The following FHIT variants were observed in gnomAD, a reference collection of about 807,000 sequenced individuals.
FHIT encodes fragile histidine triad diadenosine triphosphatase.
Under a neutral mutation model 17.9 loss-of-function variants are expected in FHIT, and 19 were observed. The observed-to-expected ratio is 1.06, with a 90% CI of 0.74 to 1.56. The LOEUF (loss-of-function observed/expected upper bound fraction) is 1.56, where lower values mean the gene tolerates loss of function less well. Ranked by LOEUF, FHIT falls within the 40% of genes most tolerant of loss-of-function variation. The pLI, the probability that FHIT is intolerant of heterozygous loss-of-function variation, is 0.00. For synonymous variants in FHIT, 81 were observed against 69.7 expected, an observed-to-expected ratio of 1.16 and a Z score of -0.81; for missense variants, 248 against 189.2, an observed-to-expected ratio of 1.31 and a Z score of -1.82.
intron 2 of FHIT, among the ~76,000 whole-genome samples, chr3:61,125,550 A>G (rs1448132676): frequency 6.6e-6 from 1 of 152,344 alleles, no homozygotes; most frequent in South Asian, 2.1e-4. Flanking sequence ...TAAATGTCCC[A>G]GAAACTTTGC....
chr3:61,102,268 C>T (rs1038151617), intron 2 of FHIT, among the ~76,000 whole-genome samples: 5 of 152,032 alleles, frequency 3.3e-5, no homozygotes, highest in South Asian at 2.1e-4. Context: ...GCATGAAGGG[C>T]TGTTGAATTT....
chr3:60,362,332 T>C (rs57805822), intron 5 of FHIT, among the ~76,000 whole-genome samples: 1,723 of 152,344 alleles, frequency 0.011, 14 homozygotes, highest in Middle Eastern at 0.048. Context: ...CTGGTTGATA[T>C]TGAGATACAA....
chr3:60,432,729 C>A lies in FHIT; in HGVS notation c.103+104131G>T, dbSNP rs79388005. The stretch of plus-strand genomic sequence containing the variant: ...GCTCACATGGATCTACTGGGGGAAG[C>A]ATTGGTGACAGGAGTAAAATTAACA... On this transcript the variant is annotated intron_variant, in intron 5 of 9. Coordinates refer to ENST00000492590, the MANE Select transcript of FHIT (RefSeq NM_002012.4). Among the ~76,000 whole-genome samples the A allele has an allele frequency of 1.2e-3, 182 of 152,194 alleles. 1 individual carries two copies. The East Asian group carries it at 0.034, about 29-fold the overall frequency.
At chr3:59,997,508 G>A (rs1458634918) in intron 7 of FHIT, among the ~76,000 whole-genome samples, 2 of 152,146 alleles carry the variant, frequency 1.3e-5, no homozygotes, top group Admixed American at 1.3e-4. Context: ...AATTTGAAAT[G>A]CATTTATATG....
At chr3:60,052,297 C>T (rs552810674) in intron 5 of FHIT, among the ~76,000 whole-genome samples, 1 of 152,188 alleles carries the variant, frequency 6.6e-6, no homozygotes, top group Admixed American at 6.6e-5. Flanking sequence ...GCAGCTTTGC[C>T]TATCACGAGT....
intron 4 of FHIT, 99 bp downstream of exon 4, chr3:60,821,820 T>C (rs1701939385): frequency 6.6e-6 from 1 of 152,172 alleles, no homozygotes; most frequent in Admixed American, 6.5e-5. Flanking sequence ...AGTTCTATTT[T>C]ACAAGTACAT....
At chr3:60,028,580 C>T (rs573987221) in intron 5 of FHIT, among the ~76,000 whole-genome samples, 1 of 152,012 alleles carries the variant, frequency 6.6e-6, no homozygotes, top group African/African-American at 2.4e-5. Context: ...AATGGATAAT[C>T]GAAAGAGGGA....
Position 59,764,932 on chromosome 3 carries a change from G to A in FHIT, c.349-12611C>T, listed in dbSNP as rs193204132. Among the ~76,000 whole-genome samples, 950 of 145,404 alleles carry A rather than the reference G, an allele frequency of 6.5e-3. 5 individuals carry two copies. Among genetic ancestry groups the A allele is most frequent in the Non-Finnish European group, 0.01 (692 of 66,340 alleles). ...CACACACACACACAGCTTTGGCACA[G>A]TGAAAAATTAAAATGCAATGCCAGG... On this transcript the variant is annotated intron_variant, in intron 8 of 9. Coordinates refer to ENST00000492590, the MANE Select transcript of FHIT (RefSeq NM_002012.4).
chr3:60,338,189 A>G (rs1710336070), intron 5 of FHIT, among the ~76,000 whole-genome samples: 1 of 152,124 alleles, frequency 6.6e-6, no homozygotes, highest in African/African-American at 2.4e-5. Flanking sequence ...AATTGCTCAA[A>G]TTCCACCACA....
chr3:60,278,764 C>A (rs1707292191), intron 5 of FHIT, among the ~76,000 whole-genome samples: 1 of 151,730 alleles, frequency 6.6e-6, no homozygotes, highest in Non-Finnish European at 1.5e-5. Flanking sequence ...GTATTATTTC[C>A]AGCTTTCAAC....
At chr3:60,687,290 G>A (rs185662622) in intron 4 of FHIT, among the ~76,000 whole-genome samples, 77 of 152,110 alleles carry the variant, frequency 5.1e-4, no homozygotes, top group African/African-American at 1.8e-3. Flanking sequence ...CTTTAATAAT[G>A]AAAGTTCTCA....
At chr3:61,061,855 C>CCT (rs1424210319) in intron 2 of FHIT, among the ~76,000 whole-genome samples, 1 of 152,118 alleles carries the variant, frequency 6.6e-6, no homozygotes, top group Non-Finnish European at 1.5e-5. Context: ...ATCCCTCTAC[C>CCT]CTCATATCCA....
intron 5 of FHIT, among the ~76,000 whole-genome samples, chr3:60,375,853 C>G (rs58609490): frequency 2.0e-5 from 3 of 151,964 alleles, no homozygotes. Flanking sequence ...CTCTCTACAA[C>G]GATAAAAATG....
chr3:61,173,636 A>T (rs376454464), intron 2 of FHIT, among the ~76,000 whole-genome samples: 2 of 152,236 alleles, frequency 1.3e-5, no homozygotes, highest in South Asian at 2.1e-4. Context: ...ATAGAAAAAA[A>T]TACAAATTTC....
intron 5 of FHIT, among the ~76,000 whole-genome samples, chr3:60,109,383 C>A (rs1235029837): frequency 6.6e-6 from 1 of 151,970 alleles, no homozygotes; most frequent in Non-Finnish European, 1.5e-5. Flanking sequence ...AACACAATCC[C>A]AAAAGTGAAA....
At chr3:60,400,265 G>A (rs920728910) in intron 5 of FHIT, among the ~76,000 whole-genome samples, 7 of 152,124 alleles carry the variant, frequency 4.6e-5, no homozygotes, top group Non-Finnish European at 2.9e-5. Flanking sequence ...GCACATCATG[G>A]AGACATGGAG....
chr3:60,011,442 T>G (rs756422851), intron 6 of FHIT, 42 bp from the exon 7 acceptor site: 3 of 1,513,818 alleles, frequency 2.0e-6, no homozygotes. Flanking sequence ...AATAGATAGA[T>G]GGTATCTCCT....
chr3:60,979,680 A>T (rs1345908579), intron 3 of FHIT, among the ~76,000 whole-genome samples: 1 of 152,116 alleles, frequency 6.6e-6, no homozygotes, highest in East Asian at 1.9e-4. Context: ...AGCAGGAAGG[A>T]TGTGCCAACC....
At chr3:60,036,210 A>G (rs982264851) in intron 5 of FHIT, among the ~76,000 whole-genome samples, 1 of 152,226 alleles carries the variant, frequency 6.6e-6, no homozygotes, top group Admixed American at 6.5e-5. Context: ...AATACCATCA[A>G]TGACTCCCTA....
Sources: gnomAD v4.1 joint callset for allele counts (sites outside exome capture counted in the v4.1 genomes callset) on GRCh38, gnomAD v4.1.1 for gene constraint, MANE v1.5 for transcripts, NCBI Gene and HGNC (gene_info 2026-07-23, HGNC 2026-07-21) for gene names.